Variants in TTC28 observed in about 807,000 individuals in gnomAD.
TTC28 encodes the protein tetratricopeptide repeat protein 28.
Under a neutral mutation model 198.0 loss-of-function variants are expected in TTC28, and 61 were observed. That is an observed-to-expected ratio of 0.31 (90% CI 0.25 to 0.38). The LOEUF (loss-of-function observed/expected upper bound fraction) is 0.38. Among genes scored for constraint, TTC28 ranks in the 10% least tolerant of loss-of-function variants. TTC28 has a pLI of 1.00. For missense variants in TTC28, 2,678 were observed against 3,164.0 expected, an observed-to-expected ratio of 0.85 and a Z score of 3.69; for synonymous variants, 1,171 against 1,297.8, an observed-to-expected ratio of 0.90 and a Z score of 2.10.
chr22:28,118,132 C>A (rs895121965), intron 6 of TTC28, among the ~76,000 whole-genome samples: 1 of 152,182 alleles, frequency 6.6e-6, no homozygotes, highest in African/African-American at 2.4e-5. Flanking sequence ...GGAGCGGTGG[C>A]TCACACCTGT....
intron 2 of TTC28, among the ~76,000 whole-genome samples, chr22:28,314,539 G>C (rs149788207): frequency 6.7e-4 from 102 of 152,206 alleles, no homozygotes; most frequent in Middle Eastern, 3.4e-3. Context: ...GAACAAAACA[G>C]AGGCCTCCTA....
chr22:28,453,297 C>A (rs1195902451), intron 2 of TTC28, among the ~76,000 whole-genome samples: 2 of 152,156 alleles, frequency 1.3e-5, no homozygotes, highest in Non-Finnish European at 2.9e-5. Flanking sequence ...ACAAATTTTT[C>A]TTGCATGAAC....
intron 2 of TTC28, among the ~76,000 whole-genome samples, chr22:28,360,581 T>C (rs1375859853): frequency 3.3e-5 from 5 of 152,010 alleles, no homozygotes; most frequent in Non-Finnish European, 5.9e-5. Context: ...AAGACAACAA[T>C]AGTAAATCTG....
intron 6 of TTC28, among the ~76,000 whole-genome samples, chr22:28,155,337 A>G (rs918557831): frequency 3.9e-5 from 6 of 152,212 alleles, no homozygotes; most frequent in Non-Finnish European, 5.9e-5. Flanking sequence ...AACTCATTCA[A>G]TCTAACCATA....
At chr22:28,183,430 T>C (rs1312009049) in intron 5 of TTC28, among the ~76,000 whole-genome samples, 2 of 152,114 alleles carry the variant, frequency 1.3e-5, no homozygotes, top group Admixed American at 1.3e-4. Context: ...AGCCTACTAA[T>C]GACCAGTGAA....
chr22:28,496,604 A>T (rs772376446), intron 2 of TTC28, among the ~76,000 whole-genome samples: 1 of 152,092 alleles, frequency 6.6e-6, no homozygotes, highest in Non-Finnish European at 1.5e-5. Context: ...CACCAATGCC[A>T]CTGCTAATTA....
chr22:28,274,999 AAGAG>A (rs1249200888), intron 5 of TTC28, among the ~76,000 whole-genome samples: 2 of 147,538 alleles, frequency 1.4e-5, no homozygotes, highest in African/African-American at 5.2e-5. Flanking sequence ...AAAAAAAAAA[AAGAG>A]AGAGAGAGAG....
intron 12 of TTC28, among the ~76,000 whole-genome samples, chr22:28,068,762 T>C (rs1334582040): frequency 1.3e-5 from 2 of 152,194 alleles, no homozygotes; most frequent in Non-Finnish European, 2.9e-5. Context: ...TTTCATGATG[T>C]GGCTTGATAT....
At chr22:28,589,931 G>C (rs752537651) in intron 2 of TTC28, among the ~76,000 whole-genome samples, 2 of 149,888 alleles carry the variant, frequency 1.3e-5, no homozygotes, top group Non-Finnish European at 3.0e-5. Flanking sequence ...CCAGCTACTC[G>C]GGAGGCTGAG....
chr22:28,586,863 T>C (rs1184882648), intron 2 of TTC28, among the ~76,000 whole-genome samples: 3 of 152,198 alleles, frequency 2.0e-5, no homozygotes, highest in South Asian at 2.1e-4. Flanking sequence ...GTATAAATAA[T>C]ACAAATATAT....
chr22:28,460,210 A>G (rs2047927185), intron 2 of TTC28, among the ~76,000 whole-genome samples: 1 of 152,150 alleles, frequency 6.6e-6, no homozygotes, highest in Admixed American at 6.5e-5. Context: ...TAACATGAAG[A>G]TTTTAATATC....
At chr22:28,420,622 G>A (rs571464351) in intron 2 of TTC28, among the ~76,000 whole-genome samples, 5 of 149,944 alleles carry the variant, frequency 3.3e-5, no homozygotes, top group Non-Finnish European at 5.9e-5. Flanking sequence ...TTTTGAGACA[G>A]AGTCTCGTTC....
chr22:28,022,398 CCTT>C (rs1212633869), intron 13 of TTC28, among the ~76,000 whole-genome samples: 1 of 152,256 alleles, frequency 6.6e-6, no homozygotes, highest in Non-Finnish European at 1.5e-5. Flanking sequence ...ATGGTCCTCA[CCTT>C]CTCAGGATGT....
At chr22:28,464,086 A>G (rs2047986359) in intron 2 of TTC28, among the ~76,000 whole-genome samples, 1 of 152,186 alleles carries the variant, frequency 6.6e-6, no homozygotes, top group African/African-American at 2.4e-5. Flanking sequence ...TGAGTAAATT[A>G]CAACAGCACC....
chr22:28,383,851 T>C (rs904510850), intron 2 of TTC28, among the ~76,000 whole-genome samples: 11 of 152,234 alleles, frequency 7.2e-5, no homozygotes, highest in African/African-American at 2.7e-4. Flanking sequence ...TTTTGAGCAT[T>C]AGTCTGATCA....
intron 6 of TTC28, among the ~76,000 whole-genome samples, chr22:28,141,127 C>T (rs5762492): frequency 0.039 from 5,918 of 152,282 alleles, 192 homozygotes; most frequent in East Asian, 0.13. Flanking sequence ...CACTCAGAGG[C>T]GCTCAATCTC....
At chr22:28,065,101 C>G (rs1357067228) in intron 12 of TTC28, among the ~76,000 whole-genome samples, 1 of 152,200 alleles carries the variant, frequency 6.6e-6, no homozygotes, top group East Asian at 1.9e-4. Context: ...GGCCACACCC[C>G]TTGCATAGCG....
intron 2 of TTC28, among the ~76,000 whole-genome samples, chr22:28,613,847 G>A (rs2050858997): frequency 6.6e-6 from 1 of 152,056 alleles, no homozygotes; most frequent in Non-Finnish European, 1.5e-5. Context: ...ATACTGAATG[G>A]GCAAAAACTG....
intron 2 of TTC28, among the ~76,000 whole-genome samples, chr22:28,336,390 T>C (rs2045719285): frequency 6.6e-6 from 1 of 152,178 alleles, no homozygotes; most frequent in African/African-American, 2.4e-5. Context: ...TTTCTATTGA[T>C]TGGAATAGTT....
Sources: gnomAD v4.1 joint callset for allele counts (sites outside exome capture counted in the v4.1 genomes callset) on GRCh38, gnomAD v4.1.1 for gene constraint, MANE v1.5 for transcripts, NCBI Gene and HGNC (gene_info 2026-07-23, HGNC 2026-07-21) for gene names.